The following MEF2A variants were observed in gnomAD, a reference collection of about 807,000 sequenced individuals.
MEF2A encodes the protein myocyte enhancer factor 2A.
A neutral mutation model predicts 55.8 loss-of-function variants in MEF2A; 28 were observed. The observed-to-expected ratio is 0.50, with a 90% CI of 0.37 to 0.69. The LOEUF is 0.69. Ranked by LOEUF, MEF2A falls within the 30% of genes least tolerant of loss-of-function variation. MEF2A has a pLI of 0.00. For synonymous variants in MEF2A, 239 were observed against 227.1 expected (o/e 1.05, Z -0.47); for missense variants, 528 against 626.2 (o/e 0.84, Z 1.67).
At chr15:99,695,618 G>A (rs1328569515) in intron 8 of MEF2A, among the ~76,000 whole-genome samples, 1 of 150,906 alleles carries the variant, frequency 6.6e-6, no homozygotes, top group Non-Finnish European at 1.5e-5. Flanking sequence ...CCAGCACTTT[G>A]GGAGGCTGAG....
At chr15:99,640,536 C>A (rs2153452850) in intron 3 of MEF2A, among the ~76,000 whole-genome samples, 1 of 150,360 alleles carries the variant, frequency 6.7e-6, no homozygotes, top group East Asian at 1.9e-4. Flanking sequence ...TCCCTTTCTC[C>A]CCTCCCCTCT....
chr15:99,631,587 G>T (rs1156826419), intron 2 of MEF2A, among the ~76,000 whole-genome samples: 1 of 151,782 alleles, frequency 6.6e-6, no homozygotes, highest in Admixed American at 6.6e-5. Context: ...TTGCATTATG[G>T]TTTGATTAAT....
At chr15:99,581,802 A>G (rs1966015943) in intron 1 of MEF2A, among the ~76,000 whole-genome samples, 1 of 152,174 alleles carries the variant, frequency 6.6e-6, no homozygotes, top group African/African-American at 2.4e-5. Flanking sequence ...CAGGAGAGGA[A>G]GAGTTTGGAG....
At chr15:99,619,268 C>T (rs1008514639) in intron 2 of MEF2A, among the ~76,000 whole-genome samples, 1 of 152,186 alleles carries the variant, frequency 6.6e-6, no homozygotes, top group East Asian at 1.9e-4. Context: ...CATTGCGCCT[C>T]AGACTAGCTG....
At position 99,714,927 on chromosome 15, in the gene MEF2A, C is replaced by T. The variant is rs1186064512; in HGVS notation, c.*2156C>T. ...ATGATCAGTGCAGGAGAGACCTGCG[C>T]ACCACAGGCTGCAAACTGGAGGTTC... On this transcript the variant is annotated 3_prime_UTR_variant, in exon 12 of 12. Coordinates refer to ENST00000557942, the MANE Select transcript of MEF2A (RefSeq NM_001319206.4). The T allele has an allele frequency of 6.6e-6, 1 of 151,284 alleles. No individual in the cohort carries two copies. The highest frequency in any genetic ancestry group is 1.5e-5 in the Non-Finnish European group (1 of 67,970). 9.4% of individuals were successfully genotyped at this position (151,284 alleles called of 1,614,324 possible). A position where few individuals can be genotyped will look rare whatever the true frequency, so the allele number is the denominator to read the frequency against.
chr15:99,593,694 G>T (rs1483635147), intron 1 of MEF2A, among the ~76,000 whole-genome samples: 2 of 152,146 alleles, frequency 1.3e-5, no homozygotes, highest in Non-Finnish European at 2.9e-5. Context: ...GATAGTTTTT[G>T]AATGTAAGGT....
chr15:99,619,499 A>G (rs1000162964), intron 2 of MEF2A, among the ~76,000 whole-genome samples: 14 of 152,198 alleles, frequency 9.2e-5, no homozygotes, highest in Admixed American at 8.5e-4. Flanking sequence ...AAGAGGTTGT[A>G]AGAATTTAAA....
intron 1 of MEF2A, among the ~76,000 whole-genome samples, chr15:99,592,301 A>G (rs912387863): frequency 6.6e-6 from 1 of 151,764 alleles, no homozygotes; most frequent in East Asian, 1.9e-4. Context: ...TTTTTTTATT[A>G]TACTGCTTCC....
chr15:99,667,782 A>C (rs2050084581), intron 4 of MEF2A, among the ~76,000 whole-genome samples: 1 of 152,168 alleles, frequency 6.6e-6, no homozygotes, highest in South Asian at 2.1e-4. Context: ...AATTATTTGC[A>C]TTACTCTCAC....
At chr15:99,577,025 T>A (rs2152803833) in intron 1 of MEF2A, among the ~76,000 whole-genome samples, 1 of 152,358 alleles carries the variant, frequency 6.6e-6, no homozygotes, top group African/African-American at 2.4e-5. Context: ...AACATCAAAA[T>A]GCCTAATGTT....
intron 3 of MEF2A, among the ~76,000 whole-genome samples, chr15:99,640,144 T>C (rs1039089169): frequency 6.6e-6 from 1 of 152,226 alleles, no homozygotes; most frequent in Admixed American, 6.5e-5. Context: ...GATTGTTGGA[T>C]GCATGCATCT....
intron 2 of MEF2A, among the ~76,000 whole-genome samples, chr15:99,605,425 C>T (rs185387602): frequency 2.6e-5 from 4 of 152,218 alleles, no homozygotes; most frequent in Admixed American, 6.5e-5. Flanking sequence ...GTTTTCTTTC[C>T]TGCATAATTA....
chr15:99,659,638 C>T (rs1210021133), intron 4 of MEF2A, among the ~76,000 whole-genome samples: 1 of 152,154 alleles, frequency 6.6e-6, no homozygotes, highest in Non-Finnish European at 1.5e-5. Flanking sequence ...CCAGTTCTGT[C>T]ACTTAACAGC....
intron 8 of MEF2A, among the ~76,000 whole-genome samples, chr15:99,698,271 A>G (rs992491847): frequency 6.6e-6 from 1 of 152,224 alleles, no homozygotes; most frequent in African/African-American, 2.4e-5. Context: ...TTTGCAAGTC[A>G]CATATCCAAT....
At chr15:99,707,938 GAAAAA>G (rs34161626) in intron 10 of MEF2A, among the ~76,000 whole-genome samples, 1 of 146,132 alleles carries the variant, frequency 6.8e-6, no homozygotes. Flanking sequence ...AGGTTTTATT[GAAAAA>G]AAAAAAGTCT....
intron 2 of MEF2A, among the ~76,000 whole-genome samples, chr15:99,620,068 CAGT>C (rs1259037775): frequency 3.3e-5 from 5 of 152,306 alleles, no homozygotes; most frequent in Admixed American, 2.6e-4. Context: ...CGTACCACGA[CAGT>C]GGTGTGTATT....
chr15:99,602,580 G>C (rs1281358629), intron 2 of MEF2A, among the ~76,000 whole-genome samples: 3 of 151,812 alleles, frequency 2.0e-5, no homozygotes, highest in Admixed American at 6.6e-5. Context: ...CTTGGGCCGC[G>C]ACCAATTATC....
At chr15:99,693,367 A>G (rs2055860847) in intron 8 of MEF2A, among the ~76,000 whole-genome samples, 1 of 152,166 alleles carries the variant, frequency 6.6e-6, no homozygotes, top group Non-Finnish European at 1.5e-5. Flanking sequence ...AATATTTTAA[A>G]TAATAACCAG....
chr15:99,616,868 A>G (rs2040269613), intron 2 of MEF2A, among the ~76,000 whole-genome samples: 1 of 152,142 alleles, frequency 6.6e-6, no homozygotes, highest in Non-Finnish European at 1.5e-5. Flanking sequence ...CTATCTCCTG[A>G]GGCTAGCAGA....
Sources: gnomAD v4.1 joint callset for allele counts (sites outside exome capture counted in the v4.1 genomes callset) on GRCh38, gnomAD v4.1.1 for gene constraint, MANE v1.5 for transcripts, NCBI Gene and HGNC (gene_info 2026-07-23, HGNC 2026-07-21) for gene names.